The following MALRD1 variants were observed in gnomAD, a reference collection of about 807,000 sequenced individuals.
MALRD1 encodes MAM and LDL receptor class A domain containing 1.
A neutral mutation model predicts 242.1 loss-of-function variants in MALRD1; 247 were observed. The observed-to-expected ratio is 1.02, with a 90% confidence interval of 0.92 to 1.13. The LOEUF (loss-of-function observed/expected upper bound fraction) is 1.13. Among genes scored for constraint, MALRD1 ranks in the 50% most tolerant of loss-of-function variants. The pLI is 0.00. For synonymous variants in MALRD1, 995 were observed against 866.6 expected (o/e 1.15, Z -2.60); for missense variants, 2,989 against 2,533.1 (o/e 1.18, Z -3.86).
At chr10:19,343,035 A>C (rs887416012) in intron 24 of MALRD1, among the ~76,000 whole-genome samples, 1 of 152,098 alleles carries the variant, frequency 6.6e-6, no homozygotes, top group Non-Finnish European at 1.5e-5. Context: ...GAGTTTTTCT[A>C]AATTATTTAC....
chr10:19,280,770 A>T (rs1362053510), intron 20 of MALRD1, among the ~76,000 whole-genome samples: 1 of 152,238 alleles, frequency 6.6e-6, no homozygotes, highest in Non-Finnish European at 1.5e-5. Context: ...AATGGATCAA[A>T]GACAAACTAT....
intron 18 of MALRD1, among the ~76,000 whole-genome samples, chr10:19,239,836 A>G (rs1179858249): frequency 6.6e-6 from 1 of 151,974 alleles, no homozygotes; most frequent in Admixed American, 6.6e-5. Flanking sequence ...TCTGAGCTGT[A>G]TATTCTGTTC....
At chr10:19,162,996 G>A (rs1428649411) in intron 12 of MALRD1, among the ~76,000 whole-genome samples, 2 of 151,364 alleles carry the variant, frequency 1.3e-5, no homozygotes, top group Admixed American at 6.6e-5. Flanking sequence ...AAATTAGCTG[G>A]GTGTGGTGGT....
At chr10:19,534,510 TG>T (rs1834565188) in intron 32 of MALRD1, among the ~76,000 whole-genome samples, 1 of 152,222 alleles carries the variant, frequency 6.6e-6, no homozygotes, top group Admixed American at 6.5e-5. Context: ...CCCATGTTTG[TG>T]GCTCTATTTT....
intron 21 of MALRD1, among the ~76,000 whole-genome samples, chr10:19,306,101 G>T (rs112056244): frequency 0.16 from 17,540 of 108,580 alleles, 1,644 homozygotes; most frequent in African/African-American, 0.24. Flanking sequence ...CTATATACTA[G>T]ATAGTATATA....
chr10:19,126,208 A>G (rs149230186), intron 7 of MALRD1, among the ~76,000 whole-genome samples: 1 of 152,254 alleles, frequency 6.6e-6, no homozygotes, highest in African/African-American at 2.4e-5. Context: ...AAATTTCAGT[A>G]TGATGAGTGC....
intron 29 of MALRD1, among the ~76,000 whole-genome samples, chr10:19,479,361 G>A (rs16918829): frequency 0.024 from 3,630 of 152,286 alleles, 168 homozygotes; most frequent in African/African-American, 0.083. Context: ...CTTCGTGGAA[G>A]GAACAGCACC....
chr10:19,638,620 A>G (rs544164079), intron 36 of MALRD1, among the ~76,000 whole-genome samples: 6 of 152,326 alleles, frequency 3.9e-5, no homozygotes, highest in African/African-American at 1.4e-4. Flanking sequence ...CTACTGTTCT[A>G]TTAAACTGTC....
intron 28 of MALRD1, among the ~76,000 whole-genome samples, chr10:19,437,756 C>T (rs1360156667): frequency 1.3e-5 from 2 of 152,120 alleles, no homozygotes; most frequent in Non-Finnish European, 1.5e-5. Context: ...ACCTTCAGAG[C>T]CTAGAGGCCC....
At chr10:19,560,921 C>T (rs1835935700) in intron 32 of MALRD1, among the ~76,000 whole-genome samples, 1 of 151,956 alleles carries the variant, frequency 6.6e-6, no homozygotes. Flanking sequence ...AACAAACCTG[C>T]AGGTTCTGCA....
At chr10:19,670,222 A>G (rs186789618) in intron 36 of MALRD1, among the ~76,000 whole-genome samples, 315 of 152,196 alleles carry the variant, frequency 2.1e-3, no homozygotes, top group African/African-American at 7.2e-3. Flanking sequence ...CTTTCTTCTC[A>G]TCCCCTCAAT....
intron 13 of MALRD1, among the ~76,000 whole-genome samples, chr10:19,171,966 ATATGTGATATATAT>A (rs1835001915): frequency 5.9e-5 from 2 of 33,646 alleles, no homozygotes; most frequent in Non-Finnish European, 1.1e-4. Context: ...TATATCACAT[ATATGTGATATATAT>A]CATATAATAT....
intron 4 of MALRD1, among the ~76,000 whole-genome samples, chr10:19,103,737 T>A (rs908657993): frequency 6.6e-6 from 1 of 152,040 alleles, no homozygotes; most frequent in Admixed American, 6.6e-5. Flanking sequence ...TGAGTATTGC[T>A]GCATTTCACT....
rs148206153 is a variant in MALRD1, at chr10:19,579,828, A to G, written c.5680+12125A>G. On this transcript the variant is annotated intron_variant, in intron 33 of 39. Transcript: ENST00000454679. ...TGGAAGAAATGTGAACATTGAATTA[A>G]AAGAGGAATGTATTTAATAATACTG... 3.7e-4 allele frequency among the ~76,000 whole-genome samples: 56 copies of G among 152,298 alleles called. No homozygotes were observed. In the East Asian group the frequency reaches 9.8e-3, roughly 27 times the overall value.
intron 32 of MALRD1, among the ~76,000 whole-genome samples, chr10:19,539,000 G>C (rs1170128025): frequency 6.6e-6 from 1 of 152,112 alleles, no homozygotes; most frequent in Non-Finnish European, 1.5e-5. Flanking sequence ...CTCCAGTTCA[G>C]AAAACCATTA....
chr10:19,261,530 C>T (rs1301786543), intron 19 of MALRD1, among the ~76,000 whole-genome samples: 2 of 149,212 alleles, frequency 1.3e-5, no homozygotes, highest in Admixed American at 1.3e-4. Context: ...AAGAATCATG[C>T]TTGTAACTTC....
Position 19,218,194 on chromosome 10 carries a change from T to C in MALRD1, c.2991+8514T>C, listed in dbSNP as rs60408226. Among the ~76,000 whole-genome samples the C allele has an allele frequency of 9.6e-3, 1,460 of 152,300 alleles. 27 individuals carry two copies. The highest frequency in any genetic ancestry group is 0.033 in the African/African-American group (1,377 of 41,572). ...TTTCAATAAATGATCAATTTATTAA[T>C]TTTCTCTGTTTTGGCTTATTGTTCA... is the stretch of plus-strand genomic sequence containing the variant. On this transcript the variant is annotated intron_variant, in intron 18 of 39. Coordinates refer to ENST00000454679, the MANE Select transcript of MALRD1 (RefSeq NM_001142308.3).
At chr10:19,356,451 G>A (rs1844642655) in intron 26 of MALRD1, among the ~76,000 whole-genome samples, 1 of 152,066 alleles carries the variant, frequency 6.6e-6, no homozygotes, top group Non-Finnish European at 1.5e-5. Context: ...TTTTCTAATA[G>A]TCACATTTTT....
intron 36 of MALRD1, among the ~76,000 whole-genome samples, chr10:19,651,236 A>T (rs140055402): frequency 0.018 from 2,780 of 152,308 alleles, 47 homozygotes; most frequent in East Asian, 0.035. Flanking sequence ...TTAACTGAAG[A>T]TTAGTTAGTA....
Sources: allele counts gnomAD v4.1 joint callset (sites outside exome capture counted in the v4.1 genomes callset), GRCh38; gene constraint gnomAD v4.1.1; transcripts MANE v1.5; gene names NCBI Gene and HGNC (gene_info 2026-07-23, HGNC 2026-07-21).